MAP2K5: variants seen among roughly 807,000 people sequenced by gnomAD.
MAP2K5 encodes mitogen-activated protein kinase kinase 5, also known as dual specificity mitogen-activated protein kinase kinase 5.
In MAP2K5, 49 loss-of-function variants were observed where a neutral mutation model predicts 83.1. The ratio of observed to expected loss-of-function variants is 0.59; its 90% CI spans 0.47 to 0.75. MAP2K5 has a LOEUF of 0.75. MAP2K5 is among the 30% of genes least tolerant of loss of function. MAP2K5 has a pLI of 0.00. For synonymous variants in MAP2K5, 202 were observed against 191.8 expected (o/e 1.05, Z -0.44); for missense variants, 457 against 557.5 (o/e 0.82, Z 1.82).
chr15:67,657,727 T>C lies in MAP2K5; in HGVS notation c.737-826T>C, dbSNP rs566733121. On this transcript the variant is annotated intron_variant, in intron 11 of 21. Transcript: ENST00000178640. ...TAAATATAAAGCCAGTAGCCATATA[T>C]ATATATATATGCATGTGTCTATATG... Among the ~76,000 whole-genome samples the C allele has an allele frequency of 2.6e-5, 4 of 152,136 alleles. No individual in the cohort carries two copies. In the South Asian group the frequency reaches 8.3e-4, roughly 32 times the overall value.
Position 67,563,357 on chromosome 15 carries a change from A to G in MAP2K5, c.252+7A>G, listed in dbSNP as rs1476979347. On this transcript the variant is annotated splice_region_variant and intron_variant, in intron 3 of 21. Coordinates refer to ENST00000178640, the MANE Select transcript of MAP2K5 (RefSeq NM_145160.3). The surrounding 1 kb of genome is among the most constrained non-coding windows in gnomAD (Gnocchi z 4.5). Reference sequence around the variant, plus strand: ...GAAGGCAATGCTGTCATATGTAAGTATACGACAAATGAAGACTATTTTTTA... The same window carrying G: ...GAAGGCAATGCTGTCATATGTAAGTGTACGACAAATGAAGACTATTTTTTA... The G allele has an allele frequency of 4.4e-6, 7 of 1,605,612 alleles. No homozygotes were observed. The highest frequency in any genetic ancestry group is 1.3e-5 in the African/African-American group (1 of 74,866).
At chr15:67,711,145 G>A (rs1434884023) in intron 16 of MAP2K5, among the ~76,000 whole-genome samples, 1 of 152,212 alleles carries the variant, frequency 6.6e-6, no homozygotes, top group Non-Finnish European at 1.5e-5. Flanking sequence ...AATCTTCTAT[G>A]CTGTTTAGTA....
intron 15 of MAP2K5, among the ~76,000 whole-genome samples, chr15:67,694,200 C>T (rs866555670): frequency 2.6e-5 from 4 of 151,766 alleles, no homozygotes; most frequent in Admixed American, 1.3e-4. Flanking sequence ...TATTTGTTTT[C>T]ATAAAAATAC....
chr15:67,664,760 C>A, intron 13 of MAP2K5, 115 bp downstream of exon 13: 1 of 615,122 alleles, frequency 1.6e-6, no homozygotes, highest in Non-Finnish European at 2.9e-6. Flanking sequence ...ACATCTGGTA[C>A]TCAAAAAGAT....
At chr15:67,788,186 T>A (rs2090450763) in intron 21 of MAP2K5, among the ~76,000 whole-genome samples, 1 of 152,202 alleles carries the variant, frequency 6.6e-6, no homozygotes, top group Admixed American at 6.5e-5. Context: ...TATATTTGAG[T>A]CCCTGGTTGC....
chr15:67,558,382 G>A (rs2084668495), intron 2 of MAP2K5, among the ~76,000 whole-genome samples: 1 of 152,180 alleles, frequency 6.6e-6, no homozygotes, highest in African/African-American at 2.4e-5. Flanking sequence ...CCTCAGCTTG[G>A]TTTAGGCCAC....
intron 3 of MAP2K5, among the ~76,000 whole-genome samples, chr15:67,575,125 C>T (rs577592443): frequency 3.0e-4 from 46 of 152,226 alleles, no homozygotes; most frequent in Non-Finnish European, 5.6e-4. Context: ...TGTTTCAGAA[C>T]TTAGGAGAGA....
rs1183495478 is a variant in MAP2K5 at position 67,692,361 on chromosome 15, C to T, written c.848-118C>T. ...TTCATTAAATTTGTGATTTGAATTT[C>T]GGATTGAGCAGATGATGTCATTTCT... is the stretch of plus-strand genomic sequence containing the variant. On this transcript the variant is annotated intron_variant, in intron 13 of 21. Transcript: ENST00000178640. 13 of 592,356 alleles carry T rather than the reference C, an allele frequency of 2.2e-5. No individual in the cohort carries two copies. In the South Asian group the frequency reaches 2.7e-4, roughly 12 times the overall value. The allele number at this position is 592,356 out of a possible 1,614,324, so 36.7% of individuals were successfully genotyped here. A position where few individuals can be genotyped will look rare whatever the true frequency, so the allele number is the denominator to read the frequency against.
chr15:67,760,714 G>A lies in MAP2K5; in HGVS notation c.1135-8888G>A, dbSNP rs1217201080. Among the ~76,000 whole-genome samples the A allele has an allele frequency of 6.6e-6, 1 of 152,112 alleles. No individual in the cohort carries two copies. The highest frequency in any genetic ancestry group is 1.9e-4 in the East Asian group (1 of 5,184). ...ATGAATTAATTTCTTGGTGGTGGAG[G>A]CCTGTGAATAGCGGTCTGTGAATGG... On this transcript the variant is annotated intron_variant, in intron 19 of 21. Coordinates refer to ENST00000178640, the MANE Select transcript of MAP2K5 (RefSeq NM_145160.3). The surrounding 1 kb of genome is among the most constrained non-coding windows in gnomAD (Gnocchi z 4.1).
At chr15:67,704,680 G>A (rs1382963351) in intron 16 of MAP2K5, among the ~76,000 whole-genome samples, 1 of 152,172 alleles carries the variant, frequency 6.6e-6, no homozygotes, top group East Asian at 1.9e-4. Flanking sequence ...TGAGAGGTTA[G>A]CGATAATGGT....
At chr15:67,626,984 G>C (rs935057632) in intron 8 of MAP2K5, among the ~76,000 whole-genome samples, 1 of 141,602 alleles carries the variant, frequency 7.1e-6, no homozygotes, top group African/African-American at 2.5e-5. Context: ...CCGGGCTGTA[G>C]TGGAGTGGTG....
At chr15:67,655,706 A>G (rs1192725529) in intron 11 of MAP2K5, among the ~76,000 whole-genome samples, 2 of 151,190 alleles carry the variant, frequency 1.3e-5, no homozygotes, top group Non-Finnish European at 3.0e-5. Context: ...CTTTGAGTTT[A>G]TCCTATATGA....
chr15:67,754,949 A>G (rs533814325), intron 19 of MAP2K5, among the ~76,000 whole-genome samples: 2 of 152,242 alleles, frequency 1.3e-5, no homozygotes, highest in African/African-American at 4.8e-5. Flanking sequence ...AGACTGAGGG[A>G]GAAGCTTAGA....
rs140351574 is a variant in MAP2K5, at chr15:67,633,083, T to C, written c.585+2156T>C. Among the ~76,000 whole-genome samples, 473 of 152,328 alleles carry C rather than the reference T, an allele frequency of 3.1e-3. 1 individual carries two copies. Among genetic ancestry groups the C allele is most frequent in the Non-Finnish European group, 4.8e-3 (326 of 68,026 alleles). On this transcript the variant is annotated intron_variant, in intron 9 of 21. Transcript: ENST00000178640. The stretch of plus-strand genomic sequence containing the variant: ...AGGCACTGAGCTCACTGAATGCAGC[T>C]GTGTCATACCACCTTGGTGCTCACC...
At chr15:67,634,982 CT>C (rs2086567825) in intron 9 of MAP2K5, among the ~76,000 whole-genome samples, 1 of 151,942 alleles carries the variant, frequency 6.6e-6, no homozygotes, top group Non-Finnish European at 1.5e-5. Context: ...TGTATGCCCC[CT>C]TTTTTAAGTG....
At chr15:67,653,267 T>A (rs2086992314) in intron 11 of MAP2K5, among the ~76,000 whole-genome samples, 1 of 147,778 alleles carries the variant, frequency 6.8e-6, no homozygotes, top group Non-Finnish European at 1.5e-5. Context: ...TAAAAGTTTG[T>A]CAGTTTCTCT....
At chr15:67,548,886 C>T in intron 1 of MAP2K5, 1 of 492,318 alleles carries the variant, frequency 2.0e-6, no homozygotes, top group Non-Finnish European at 3.2e-6. Context: ...CCTCTTTGAT[C>T]AGTTTTATAT....
At chr15:67,620,743 T>G (rs1436854145) in intron 8 of MAP2K5, among the ~76,000 whole-genome samples, 2 of 152,152 alleles carry the variant, frequency 1.3e-5, no homozygotes, top group African/African-American at 4.8e-5. Flanking sequence ...TTTATATTGT[T>G]TAGGAGAAGG....
In MAP2K5 at chr15:67,672,868, T is replaced by C. The variant is rs578043951; in HGVS notation, c.847+8223T>C. On this transcript the variant is annotated intron_variant, in intron 13 of 21. Coordinates refer to ENST00000178640, the MANE Select transcript of MAP2K5 (RefSeq NM_145160.3). ...GTGTAAGGAAGGGATCCAGTTTCAG[T>C]TTTCTACATATGGCTAGCCAGTTTT... 2.6e-3 allele frequency among the ~76,000 whole-genome samples: 386 copies of C among 151,196 alleles called. 1 individual carries two copies. Among genetic ancestry groups the C allele is most frequent in the African/African-American group, 8.9e-3 (365 of 40,970 alleles).
Sources: gnomAD v4.1 joint callset for allele counts (sites outside exome capture counted in the v4.1 genomes callset) on GRCh38, gnomAD v4.1.1 for gene constraint, Gnocchi (gnomAD v3.1) non-coding constraint, MANE v1.5 for transcripts, NCBI Gene and HGNC (gene_info 2026-07-23, HGNC 2026-07-21) for gene names.